RASGRF2: variants seen among roughly 807,000 people sequenced by gnomAD.
The protein encoded by RASGRF2 is ras-specific guanine nucleotide-releasing factor 2.
In RASGRF2, 76 loss-of-function variants were observed where a neutral mutation model predicts 151.0. That is an observed-to-expected ratio of 0.50 (90% CI 0.42 to 0.61). RASGRF2 has a LOEUF of 0.61. Ranked by LOEUF, RASGRF2 falls within the 20% of genes least tolerant of loss-of-function variation. The pLI is 0.00. For missense variants in RASGRF2, 1,148 were observed against 1,564.6 expected (o/e 0.73, Z 4.49); for synonymous variants, 504 against 566.5 (o/e 0.89, Z 1.57).
intron 12 of RASGRF2, among the ~76,000 whole-genome samples, chr5:81,098,389 T>C (rs1298250477): frequency 3.3e-5 from 5 of 152,112 alleles, no homozygotes; most frequent in Non-Finnish European, 7.4e-5. Context: ...GGGTAGGAGA[T>C]ACTGCATCAT....
chr5:80,983,681 C>G (rs942761784), intron 1 of RASGRF2, among the ~76,000 whole-genome samples: 1 of 152,186 alleles, frequency 6.6e-6, no homozygotes, highest in Non-Finnish European at 1.5e-5. Flanking sequence ...CCACGTGTGG[C>G]TTTTGAGCAC....
chr5:81,032,359 A>G (rs1434895416), intron 1 of RASGRF2, among the ~76,000 whole-genome samples: 2 of 152,212 alleles, frequency 1.3e-5, no homozygotes, highest in Non-Finnish European at 2.9e-5. Context: ...AGAATTTTAG[A>G]CCAATATCCC....
chr5:81,022,992 C>T (rs1052660035), intron 1 of RASGRF2, among the ~76,000 whole-genome samples: 2 of 145,146 alleles, frequency 1.4e-5, no homozygotes, highest in East Asian at 4.2e-4. Context: ...TTGGAGATAA[C>T]TTTGAGGTTC....
At chr5:81,178,812 C>G (rs2112672229) in intron 17 of RASGRF2, among the ~76,000 whole-genome samples, 1 of 152,186 alleles carries the variant, frequency 6.6e-6, no homozygotes, top group African/African-American at 2.4e-5. Flanking sequence ...CGTCTTGGCT[C>G]ACTGCAAGCT....
intron 18 of RASGRF2, among the ~76,000 whole-genome samples, chr5:81,197,462 CAAAAAAAAAAA>C (rs10674027): frequency 4.7e-5 from 3 of 63,726 alleles, no homozygotes; most frequent in Non-Finnish European, 7.8e-5. Context: ...GACTCCGTCT[CAAAAAAAAAAA>C]AAAAAAAAAA....
Position 80,960,696 on chromosome 5 carries a change from G to A in RASGRF2, c.-43G>A. 1 of 1,445,280 alleles carries A rather than the reference G, an allele frequency of 6.9e-7. No homozygotes were observed. Among genetic ancestry groups the A allele is most frequent in the Non-Finnish European group, 9.2e-7 (1 of 1,084,926 alleles). 89.5% of individuals were successfully genotyped at this position (1,445,280 alleles called of 1,614,324 possible). A position where few individuals can be genotyped will look rare whatever the true frequency, so the allele number is the denominator to read the frequency against. On this transcript the variant is annotated 5_prime_UTR_variant, in exon 1 of 27. Coordinates refer to ENST00000265080, the MANE Select transcript of RASGRF2 (RefSeq NM_006909.3). The surrounding 1 kb of genome is among the most constrained non-coding windows in gnomAD (Gnocchi z 5.5). ...CAGCTGGGCCATGGCCGCGAGGCAG[G>A]GGTGAGACCGGCGGCCACCCGTGAG...
intron 12 of RASGRF2, among the ~76,000 whole-genome samples, chr5:81,102,979 A>G (rs1259977733): frequency 1.3e-5 from 2 of 152,170 alleles, no homozygotes; most frequent in Non-Finnish European, 1.5e-5. Flanking sequence ...TTAGCGCTAC[A>G]AGAACCTGAA....
At chr5:81,091,346 C>A (rs1752382938) in intron 9 of RASGRF2, among the ~76,000 whole-genome samples, 1 of 152,124 alleles carries the variant, frequency 6.6e-6, no homozygotes, top group Non-Finnish European at 1.5e-5. Context: ...TTGCTCCCAC[C>A]CACCTCACCT....
chr5:81,160,276 C>T (rs1465618744), intron 17 of RASGRF2, among the ~76,000 whole-genome samples: 1 of 152,194 alleles, frequency 6.6e-6, no homozygotes, highest in Non-Finnish European at 1.5e-5. Flanking sequence ...AAAAAATTAG[C>T]TGGGCATGGT....
chr5:81,121,732 C>G (rs1436901416), intron 15 of RASGRF2, among the ~76,000 whole-genome samples: 3 of 152,170 alleles, frequency 2.0e-5, no homozygotes, highest in African/African-American at 4.8e-5. Context: ...ACACAAATAT[C>G]AGCCAGACTC....
At chr5:81,206,951 C>T (rs1403994892) in intron 20 of RASGRF2, 46 bp downstream of exon 20, 2 of 1,443,142 alleles carry the variant, frequency 1.4e-6, no homozygotes, top group Non-Finnish European at 9.8e-7. Context: ...GTGCAAACTA[C>T]CTCTCCAAGG....
chr5:81,009,416 C>A (rs1580199116), intron 1 of RASGRF2, among the ~76,000 whole-genome samples: 1 of 152,266 alleles, frequency 6.6e-6, no homozygotes, highest in African/African-American at 2.4e-5. Context: ...GCCACTCAGT[C>A]GCTAAAATTG....
chr5:81,068,693 G>A (rs1751686768), intron 3 of RASGRF2, among the ~76,000 whole-genome samples: 1 of 152,166 alleles, frequency 6.6e-6, no homozygotes, highest in South Asian at 2.1e-4. Context: ...TTTCCCTGGA[G>A]TTGGAATTCC....
chr5:80,960,667 G>C lies in RASGRF2; in HGVS notation c.-72G>C. 1 of 1,288,274 alleles carries C rather than the reference G, an allele frequency of 7.8e-7. No homozygotes were observed. Among genetic ancestry groups the C allele is most frequent in the Non-Finnish European group, 1.0e-6 (1 of 1,000,984 alleles). The allele number at this position is 1,288,274 out of a possible 1,614,324, so 79.8% of individuals were successfully genotyped here. On this transcript the variant is annotated 5_prime_UTR_variant, in exon 1 of 27. Transcript: ENST00000265080. This position sits in a 1 kb window ranked among gnomAD's most constrained non-coding sequence, Gnocchi z 5.5. ...GACCTGAGCGGTCGCGCCCTCGAGG[G>C]AGCCAGCTGGGCCATGGCCGCGAGG... is the stretch of plus-strand genomic sequence containing the variant.
intron 1 of RASGRF2, among the ~76,000 whole-genome samples, chr5:80,971,567 A>AT (rs775200485): frequency 0.016 from 2,091 of 131,260 alleles, 39 homozygotes; most frequent in African/African-American, 0.046. Flanking sequence ...CACACCTGGT[A>AT]TTTTTTTTTT....
At chr5:81,031,951 A>G (rs1750268572) in intron 1 of RASGRF2, among the ~76,000 whole-genome samples, 1 of 152,194 alleles carries the variant, frequency 6.6e-6, no homozygotes, top group Non-Finnish European at 1.5e-5. Flanking sequence ...GACACAATAA[A>G]AAATGATAAA....
At chr5:81,122,940 G>T (rs866851120) in intron 15 of RASGRF2, among the ~76,000 whole-genome samples, 1 of 152,066 alleles carries the variant, frequency 6.6e-6, no homozygotes, top group South Asian at 2.1e-4. Context: ...AGATTTTCAC[G>T]TGTTTCCTGC....
At chr5:81,209,983 C>G (rs1340358524) in intron 22 of RASGRF2, 1 of 152,666 alleles carries the variant, frequency 6.6e-6, no homozygotes, top group Non-Finnish European at 1.5e-5. Flanking sequence ...TATTTGCAAA[C>G]TCTAAATCTA....
At chr5:81,184,363 G>A (rs542747815) in intron 18 of RASGRF2, among the ~76,000 whole-genome samples, 4 of 152,290 alleles carry the variant, frequency 2.6e-5, no homozygotes, top group South Asian at 2.1e-4. Flanking sequence ...TCCTCTGCGC[G>A]CAGACAGATG....
Sources: allele counts gnomAD v4.1 joint callset (sites outside exome capture counted in the v4.1 genomes callset), GRCh38; gene constraint gnomAD v4.1.1; non-coding constraint Gnocchi (gnomAD v3.1); transcripts MANE v1.5; gene names NCBI Gene and HGNC (gene_info 2026-07-23, HGNC 2026-07-21).